The following STAU2 variants were observed in gnomAD, a reference collection of about 807,000 sequenced individuals.
STAU2 encodes double-stranded RNA-binding protein Staufen homolog 2.
STAU2 carries 20 observed loss-of-function variants against 65.9 expected under a neutral mutation model. That is an observed-to-expected ratio of 0.30 (90% CI 0.21 to 0.44). The LOEUF is 0.44. Ranked by LOEUF, STAU2 falls within the 20% of genes least tolerant of loss-of-function variation. STAU2 has a pLI of 1.00. For synonymous variants in STAU2, 232 were observed against 233.9 expected (o/e 0.99, Z 0.07); for missense variants, 558 against 683.9 (o/e 0.82, Z 2.05).
At chr8:73,459,920 C>T (rs1443309924) in intron 13 of STAU2, among the ~76,000 whole-genome samples, 2 of 152,204 alleles carry the variant, frequency 1.3e-5, no homozygotes, top group African/African-American at 2.4e-5. Context: ...CTTGGGGCCT[C>T]CTGCGTCCCC....
At chr8:73,482,332 A>G (rs1194531478) in intron 13 of STAU2, among the ~76,000 whole-genome samples, 1 of 131,600 alleles carries the variant, frequency 7.6e-6, no homozygotes, top group Non-Finnish European at 1.7e-5. Flanking sequence ...AAACAGAAAG[A>G]TTTATGATCT....
rs527247474 is a variant in STAU2 at position 73,420,876 on chromosome 8, A to G, written c.*496T>C. ...GAAGATTATAAATATCTGCATAAAAAGAGAAACCATGTGACTCTATATGAA... is the reference window on the plus strand; with the variant it reads ...GAAGATTATAAATATCTGCATAAAAGGAGAAACCATGTGACTCTATATGAA... On this transcript the variant is annotated 3_prime_UTR_variant, in exon 15 of 15. Coordinates refer to ENST00000524300, the MANE Select transcript of STAU2 (RefSeq NM_001164380.2). The G allele has an allele frequency of 6.4e-6, 1 of 156,088 alleles. No homozygotes were observed. The highest frequency in any genetic ancestry group is 2.0e-4 in the South Asian group (1 of 5,068). 9.7% of individuals were successfully genotyped at this position (156,088 alleles called of 1,614,324 possible). A position where few individuals can be genotyped will look rare whatever the true frequency, so the allele number is the denominator to read the frequency against.
chr8:73,679,972 G>A (rs1005118144), intron 5 of STAU2, among the ~76,000 whole-genome samples: 1 of 134,494 alleles, frequency 7.4e-6, no homozygotes, highest in Non-Finnish European at 1.6e-5. Flanking sequence ...AGTCCCTAGG[G>A]AAGCCATTTT....
intron 1 of STAU2, among the ~76,000 whole-genome samples, chr8:73,743,580 T>C (rs1367001571): frequency 6.6e-6 from 1 of 150,804 alleles, no homozygotes; most frequent in South Asian, 2.1e-4. Context: ...TTCAAATGAT[T>C]CTCCTGCCTC....
chr8:73,492,246 T>C (rs1181575001), intron 13 of STAU2, among the ~76,000 whole-genome samples: 4 of 151,952 alleles, frequency 2.6e-5, no homozygotes, highest in Admixed American at 2.0e-4. Flanking sequence ...TTACCAGGTA[T>C]CCATTAAATG....
rs140711531 is a variant in STAU2 at position 73,432,785 on chromosome 8, G to C, written c.1531-10083C>G. ...CAGTTCAGGTAATTTCCATAAAATT[G>C]GTACTTTCTAAAACGGCTTACCCTT... On this transcript the variant is annotated intron_variant, in intron 13 of 14. Coordinates refer to ENST00000524300, the MANE Select transcript of STAU2 (RefSeq NM_001164380.2). Among the ~76,000 whole-genome samples the C allele has an allele frequency of 4.7e-4, 72 of 152,156 alleles. No homozygotes were observed. In the East Asian group the frequency reaches 0.012, roughly 26 times the overall value.
chr8:73,565,011 T>C, intron 12 of STAU2, among the ~76,000 whole-genome samples: 1 of 152,228 alleles, frequency 6.6e-6, no homozygotes, highest in Non-Finnish European at 1.5e-5. Flanking sequence ...GCTGCTAGGA[T>C]AGGCTCTGAC....
At chr8:73,747,264 G>T, upstream of STAU2, 2 of 1,193,838 alleles carry the variant, frequency 1.7e-6, no homozygotes, top group Non-Finnish European at 2.3e-6. Context: ...CCGCCCCCTC[G>T]TCTGCCAAGG....
intron 13 of STAU2, among the ~76,000 whole-genome samples, chr8:73,530,719 T>C (rs940207326): frequency 1.3e-5 from 2 of 152,138 alleles, no homozygotes; most frequent in African/African-American, 2.4e-5. Context: ...GAAGGAGTCC[T>C]AGGTAGGTAG....
At chr8:73,582,475 A>G (rs532408482) in intron 12 of STAU2, among the ~76,000 whole-genome samples, 8 of 150,986 alleles carry the variant, frequency 5.3e-5, no homozygotes, top group Non-Finnish European at 1.2e-4. Context: ...TTATATTTTT[A>G]TATTTTTTAT....
intron 13 of STAU2, among the ~76,000 whole-genome samples, chr8:73,467,525 G>C (rs937536043): frequency 6.6e-6 from 1 of 152,046 alleles, no homozygotes; most frequent in African/African-American, 2.4e-5. Flanking sequence ...GCGAGACTCT[G>C]TCTCAAATAA....
chr8:73,526,031 G>T (rs763498626), intron 13 of STAU2, among the ~76,000 whole-genome samples: 2 of 152,118 alleles, frequency 1.3e-5, no homozygotes, highest in African/African-American at 4.8e-5. Flanking sequence ...TACAGCTAGG[G>T]CATATGTCAA....
intron 10 of STAU2, among the ~76,000 whole-genome samples, chr8:73,601,815 T>G (rs186192708): frequency 8.5e-4 from 129 of 152,310 alleles, no homozygotes; most frequent in African/African-American, 3.1e-3. Flanking sequence ...AGAAAAGGAT[T>G]TGTTTAATAA....
chr8:73,555,430 GT>G lies in STAU2; in HGVS notation c.1223-3112del, dbSNP rs372239907. On this transcript the variant is annotated intron_variant, in intron 12 of 14. Transcript: ENST00000524300. ...CATTAAGTATAAAAGAGTTTTGTAA[GT>G]TTTTTTAAAAACACTTTAAATAGCT... Among the ~76,000 whole-genome samples the G allele has an allele frequency of 6.1e-4, 93 of 152,236 alleles. No individual in the cohort carries two copies. The South Asian group carries it at 0.018, about 30-fold the overall frequency.
At chr8:73,551,332 A>C in intron 13 of STAU2, 1 of 987,382 alleles carries the variant, frequency 1.0e-6, no homozygotes. Flanking sequence ...TTAAACTATA[A>C]GCTAGTTTTA....
At chr8:73,719,058 C>T (rs867350833) in intron 3 of STAU2, among the ~76,000 whole-genome samples, 2 of 152,198 alleles carry the variant, frequency 1.3e-5, no homozygotes, top group African/African-American at 4.8e-5. Context: ...TCCACGGCAA[C>T]GTCAAACGGA....
chr8:73,747,270 C>T, upstream of STAU2: 1 of 1,269,604 alleles, frequency 7.9e-7, no homozygotes, highest in Non-Finnish European at 1.1e-6. Context: ...CCTCGTCTGC[C>T]AAGGGTGGGC....
chr8:73,490,710 C>T (rs961824437), intron 13 of STAU2, among the ~76,000 whole-genome samples: 68 of 151,988 alleles, frequency 4.5e-4, no homozygotes, highest in African/African-American at 1.5e-3. Context: ...TCCTCAGTTC[C>T]TTACCTCAAG....
At chr8:73,621,205 A>C in intron 6 of STAU2, among the ~76,000 whole-genome samples, 1 of 152,120 alleles carries the variant, frequency 6.6e-6, no homozygotes, top group African/African-American at 2.4e-5. Context: ...GGTTAAGTGA[A>C]TCATGGGGGC....
Sources: allele counts gnomAD v4.1 joint callset (sites outside exome capture counted in the v4.1 genomes callset), GRCh38; gene constraint gnomAD v4.1.1; transcripts MANE v1.5; gene names NCBI Gene and HGNC (gene_info 2026-07-23, HGNC 2026-07-21).